Variants in COL4A4 observed in about 807,000 individuals in gnomAD.
The protein encoded by COL4A4 is collagen type IV alpha 4 chain.
A neutral mutation model predicts 192.9 loss-of-function variants in COL4A4; 105 were observed. The observed-to-expected ratio is 0.54, with a 90% CI of 0.46 to 0.64. The LOEUF is 0.64. COL4A4 is among the 30% of genes least tolerant of loss of function. COL4A4 has a pLI of 0.00. For synonymous variants in COL4A4, 762 were observed against 769.9 expected (o/e 0.99, Z 0.17); for missense variants, 1,967 against 2,169.3 (o/e 0.91, Z 1.85).
intron 22 of COL4A4, 50 bp downstream of exon 22, chr2:227,088,603 T>C: frequency 1.3e-6 from 2 of 1,597,770 alleles, no homozygotes; most frequent in South Asian, 2.2e-5. Flanking sequence ...GAAAACAGAC[T>C]AATACCATGT....
chr2:227,104,863 A>C, intron 12 of COL4A4, among the ~76,000 whole-genome samples: 1 of 151,020 alleles, frequency 6.6e-6, no homozygotes, highest in Non-Finnish European at 1.5e-5. Context: ...CTGGTCTCGA[A>C]CTCCGGACCT....
At chr2:227,111,619 G>C (rs968141275) in intron 9 of COL4A4, 59 bp downstream of exon 9, 3 of 1,563,202 alleles carry the variant, frequency 1.9e-6, no homozygotes, top group Non-Finnish European at 2.6e-6. Context: ...GGATTAAAAC[G>C]TGGATCATAG....
intron 43 of COL4A4, among the ~76,000 whole-genome samples, chr2:227,023,545 C>T (rs1966431985): frequency 6.6e-6 from 1 of 152,058 alleles, no homozygotes; most frequent in Non-Finnish European, 1.5e-5. Flanking sequence ...TTCATTCAGT[C>T]ATCCTGCAAA....
chr2:227,029,837 G>A (rs1407422835), intron 41 of COL4A4, among the ~76,000 whole-genome samples: 1 of 152,082 alleles, frequency 6.6e-6, no homozygotes, highest in Non-Finnish European at 1.5e-5. Context: ...GATCTTTGCA[G>A]GAATATAAAA....
At chr2:227,010,538 G>C in intron 45 of COL4A4, 37 bp from the exon 46 acceptor site, 1 of 1,483,090 alleles carries the variant, frequency 6.7e-7, no homozygotes, top group Non-Finnish European at 9.0e-7. Flanking sequence ...AGGCAGGTTA[G>C]GGGGTTTGGT....
At position 227,045,167 on chromosome 2, in the gene COL4A4, A is replaced by G. The variant is rs149993376; in HGVS notation, c.3290-1983T>C. Among the ~76,000 whole-genome samples, 22 of 152,314 alleles carry G rather than the reference A, an allele frequency of 1.4e-4. No individual in the cohort carries two copies. The East Asian group carries it at 3.7e-3, about 25-fold the overall frequency. ...TTGCTGACTGATGATGGTGATGATG[A>G]CAATGATGATCATTGCATTTTATTT... On this transcript the variant is annotated intron_variant, in intron 35 of 47. Transcript: ENST00000396625.
rs780107139 is a variant in COL4A4 at position 227,022,065 on chromosome 2, C to T, written c.4199G>A (p.Arg1400Lys). ...GCTCATACCTGGTCCTGAGGGGCCTCTCATTCCAGGGAGCCCCATGGCTCC... is the reference window on the plus strand; with the variant it reads ...GCTCATACCTGGTCCTGAGGGGCCTTTCATTCCAGGGAGCCCCATGGCTCC... ...PEGAMGLPGM[R>K]GPSGPGCKGE... The change falls in exon 44 of 48, where the codon AGA (arginine) becomes AAA (lysine). Residue 1400 changes from arginine to lysine, a missense_variant. Transcript: ENST00000396625. The T allele has an allele frequency of 9.3e-6, 15 of 1,614,048 alleles. No homozygotes were observed. The South Asian group carries it at 1.6e-4, about 18-fold the overall frequency.
At chr2:227,138,479 A>G (rs10181245) in intron 4 of COL4A4, among the ~76,000 whole-genome samples, 63,616 of 151,762 alleles carry the variant, frequency 0.42, 13,834 homozygotes, top group Non-Finnish European at 0.49. Flanking sequence ...TAAAAATACA[A>G]AAAATGAGCC....
At chr2:227,051,468 G>A (rs1974086290) in intron 32 of COL4A4, among the ~76,000 whole-genome samples, 1 of 152,194 alleles carries the variant, frequency 6.6e-6, no homozygotes, top group Non-Finnish European at 1.5e-5. Context: ...ACAACTAGCT[G>A]AGAGAAGCCA....
At chr2:227,136,960 A>G (rs889328506) in intron 4 of COL4A4, among the ~76,000 whole-genome samples, 21 of 149,086 alleles carry the variant, frequency 1.4e-4, no homozygotes, top group Admixed American at 3.3e-4. Flanking sequence ...TGACAGTGCT[A>G]CTTTCCCAAA....
chr2:227,126,018 T>C (rs554125075), intron 4 of COL4A4, among the ~76,000 whole-genome samples: 3 of 152,266 alleles, frequency 2.0e-5, no homozygotes, highest in Admixed American at 6.5e-5. Flanking sequence ...CGGCCCTCCA[T>C]ATCCCTGGCT....
intron 37 of COL4A4, among the ~76,000 whole-genome samples, chr2:227,034,245 A>T (rs1367575655): frequency 6.6e-6 from 1 of 152,104 alleles, no homozygotes; most frequent in Admixed American, 6.5e-5. Flanking sequence ...CCAGTGGAAA[A>T]TTTTTTTTAA....
At chr2:227,035,116 G>C (rs1969345720) in intron 37 of COL4A4, among the ~76,000 whole-genome samples, 1 of 151,944 alleles carries the variant, frequency 6.6e-6, no homozygotes, top group Non-Finnish European at 1.5e-5. Flanking sequence ...TCATGTCTTT[G>C]GGTGACTGTC....
intron 20 of COL4A4, among the ~76,000 whole-genome samples, chr2:227,090,772 TAAATA>T (rs936926791): frequency 4.5e-5 from 6 of 132,636 alleles, no homozygotes; most frequent in Non-Finnish European, 9.8e-5. Flanking sequence ...AATAAGTAAA[TAAATA>T]AAATAAATAA....
chr2:227,104,410 A>AAT, intron 12 of COL4A4, among the ~76,000 whole-genome samples: 1 of 89,216 alleles, frequency 1.1e-5, no homozygotes, highest in Non-Finnish European at 2.1e-5. Flanking sequence ...CTCTACTAAA[A>AAT]ATACAAAAAA....
At chr2:227,041,852 A>AAGAGAGAGAGAG (rs1412480175) in intron 37 of COL4A4, among the ~76,000 whole-genome samples, 6 of 71,388 alleles carry the variant, frequency 8.4e-5, no homozygotes, top group Non-Finnish European at 1.4e-4. Context: ...AAGAAAGAGA[A>AAGAGAGAGAGAG]AGAAAGAAAG....
intron 35 of COL4A4, among the ~76,000 whole-genome samples, chr2:227,044,214 T>C (rs1376620984): frequency 3.3e-5 from 5 of 152,170 alleles, no homozygotes; most frequent in Admixed American, 2.0e-4. Flanking sequence ...GACATTTTAG[T>C]TTTTTGGCCT....
Position 227,118,718 on chromosome 2 carries a change from C to T in COL4A4, c.416G>A (p.Ser139Asn), listed in dbSNP as rs751085711. ...PPGPRGKPGM[S>N]GHNGSRGDPG... ...GTCACCTCTTGAGCCATTGTGGCCA[C>T]TCATACCAGGTTTGCCTCTGGGTCC... Residue 139 changes from serine (S) to asparagine (N), a missense_variant, in exon 7 of 48, where the codon AGT (serine) becomes AAT (asparagine). Ser to Asn is a conservative substitution (Grantham distance 46). Coordinates refer to ENST00000396625, the MANE Select transcript of COL4A4 (RefSeq NM_000092.5). 9.9e-6 allele frequency: 16 copies of T among 1,614,042 alleles called. No homozygotes were observed. The South Asian group carries it at 1.3e-4, about 13-fold the overall frequency.
chr2:226,988,361 A>G, the COL4A4 span: 1 of 1,550,258 alleles, frequency 6.5e-7, no homozygotes, highest in Non-Finnish European at 8.7e-7. Context: ...GACAATGGCA[A>G]GTCTCCTGGA....
Sources: gnomAD v4.1 joint callset for allele counts (sites outside exome capture counted in the v4.1 genomes callset) on GRCh38, gnomAD v4.1.1 for gene constraint, MANE v1.5 for transcripts, NCBI Gene and HGNC (gene_info 2026-07-23, HGNC 2026-07-21) for gene names.